GRXCR2: variants seen among roughly 807,000 people sequenced by gnomAD.
GRXCR2 encodes glutaredoxin domain-containing cysteine-rich protein 2.
A neutral mutation model predicts 24.8 loss-of-function variants in GRXCR2; 23 were observed. The observed-to-expected ratio is 0.93, with a 90% confidence interval of 0.67 to 1.32. The LOEUF is 1.32. GRXCR2 is among the 40% of genes most tolerant of loss of function. GRXCR2 has a pLI of 0.00. For synonymous variants in GRXCR2, 130 were observed against 116.1 expected, an observed-to-expected ratio of 1.12 and a Z score of -0.77; for missense variants, 315 against 303.4, an observed-to-expected ratio of 1.04 and a Z score of -0.28.
chr5:145,882,356 C>T (rs1425248837), intron 2 of GRXCR2, among the ~76,000 whole-genome samples: 1 of 152,148 alleles, frequency 6.6e-6, no homozygotes, highest in Non-Finnish European at 1.5e-5. Flanking sequence ...AAAAAGTGGG[C>T]TAAGGATATG....
intron 2 of GRXCR2, among the ~76,000 whole-genome samples, chr5:145,861,699 C>T (rs1756341933): frequency 6.6e-6 from 1 of 152,096 alleles, no homozygotes; most frequent in Admixed American, 6.6e-5. Flanking sequence ...AACAAATGAA[C>T]AATAATATCT....
At chr5:145,882,410 A>G (rs949538770) in intron 2 of GRXCR2, among the ~76,000 whole-genome samples, 14 of 152,338 alleles carry the variant, frequency 9.2e-5, no homozygotes, top group African/African-American at 2.9e-4. Context: ...GCCAACAGAC[A>G]CATGAAAGAA....
rs992271294 is a variant in GRXCR2 at position 145,920,744 on chromosome 5, G to T, written c.-70+14957C>A. 1.3e-5 allele frequency among the ~76,000 whole-genome samples: 2 copies of T among 152,218 alleles called. 1 individual carries two copies. The highest frequency in any genetic ancestry group is 2.9e-5 in the Non-Finnish European group (2 of 68,042). On this transcript the variant is annotated intron_variant, in intron 2 of 3. Transcript: ENST00000639411. ...TACAGGTTAGTCACCATGTGCTATGGTCTGAATGTTTCTGTCTCCTTAAAA... is the reference window on the plus strand; with the variant it reads ...TACAGGTTAGTCACCATGTGCTATGTTCTGAATGTTTCTGTCTCCTTAAAA...
intron 2 of GRXCR2, among the ~76,000 whole-genome samples, chr5:145,924,515 C>T (rs11750929): frequency 0.27 from 40,402 of 152,016 alleles, 6,195 homozygotes; most frequent in East Asian, 0.51. Context: ...CTGTATGTTG[C>T]CAAGTTTTGA....
intron 2 of GRXCR2, among the ~76,000 whole-genome samples, chr5:145,879,297 C>G (rs1318221993): frequency 6.6e-6 from 1 of 150,856 alleles, no homozygotes; most frequent in Non-Finnish European, 1.5e-5. Context: ...TTCAGGAGAC[C>G]CATCTCACGT....
At chr5:145,886,828 C>T (rs541489893) in intron 2 of GRXCR2, among the ~76,000 whole-genome samples, 1 of 152,274 alleles carries the variant, frequency 6.6e-6, no homozygotes, top group Admixed American at 6.5e-5. Context: ...ATCAATGCAA[C>T]ATGTAATCCA....
At chr5:145,898,846 C>T (rs1756987929) in intron 2 of GRXCR2, among the ~76,000 whole-genome samples, 1 of 151,918 alleles carries the variant, frequency 6.6e-6, no homozygotes, top group African/African-American at 2.4e-5. Flanking sequence ...GAAGCATTCC[C>T]CTTGAACTTG....
At chr5:145,861,761 C>A (rs972040982) in intron 2 of GRXCR2, among the ~76,000 whole-genome samples, 1 of 152,158 alleles carries the variant, frequency 6.6e-6, no homozygotes, top group South Asian at 2.1e-4. Flanking sequence ...CAGCAGGAGT[C>A]CGCTGGGTAG....
At chr5:145,866,252 T>C (rs980962505) in intron 2 of GRXCR2, among the ~76,000 whole-genome samples, 4 of 152,046 alleles carry the variant, frequency 2.6e-5, no homozygotes, top group Non-Finnish European at 5.9e-5. Flanking sequence ...AAATATTTAA[T>C]CAGATCTAAA....
At chr5:145,874,176 C>A (rs371744415), upstream of GRXCR2, among the ~76,000 whole-genome samples, 307 of 151,736 alleles carry the variant, frequency 2.0e-3, 1 homozygote, top group African/African-American at 6.9e-3. Flanking sequence ...TACAGCCATT[C>A]GCTTGGATTC....
rs114615413 is a variant in GRXCR2, at chr5:145,866,555, G to A, written c.510C>T (p.His170=). Residue 170 remains histidine (H), a synonymous_variant, in exon 2 of 3, where the codon CAC becomes CAT. Coordinates refer to ENST00000377976, the MANE Select transcript of GRXCR2 (RefSeq NM_001080516.2). ...KEESYGGRDQ[H]DRPLVEAEST... ...TTTCTGCCTCCACCAAAGGTCTATCGTGCTGGTCCCTGCCTCCATAGCTTT... is the reference window on the plus strand; with the variant it reads ...TTTCTGCCTCCACCAAAGGTCTATCATGCTGGTCCCTGCCTCCATAGCTTT... The A allele has an allele frequency of 1.8e-3, 2,930 of 1,614,092 alleles. 37 individuals are homozygous for A. In the African/African-American group the frequency reaches 0.035, roughly 19 times the overall value.
chr5:145,884,455 T>C lies in GRXCR2; in HGVS notation c.-69-17727A>G, dbSNP rs80065707. Among the ~76,000 whole-genome samples the C allele has an allele frequency of 6.1e-3, 925 of 152,308 alleles. 5 individuals are homozygous for C. Among genetic ancestry groups the C allele is most frequent in the Middle Eastern group, 0.01 (3 of 294 alleles). On this transcript the variant is annotated intron_variant, in intron 2 of 3. Coordinates refer to the GRXCR2 transcript ENST00000639411. ...AACTAGAGAATTATTGTTAGTTTTC[T>C]TAGGCAAGATAATGTTATGTAATTA... is the stretch of plus-strand genomic sequence containing the variant.
intron 2 of GRXCR2, among the ~76,000 whole-genome samples, chr5:145,899,846 G>C (rs190914059): frequency 6.6e-6 from 1 of 152,050 alleles, no homozygotes; most frequent in African/African-American, 2.4e-5. Flanking sequence ...CATGGGCCTT[G>C]GGAAAGAATT....
chr5:145,897,973 C>T (rs1756973539), intron 2 of GRXCR2, among the ~76,000 whole-genome samples: 1 of 151,986 alleles, frequency 6.6e-6, no homozygotes, highest in East Asian at 1.9e-4. Flanking sequence ...CAGAGCAGAA[C>T]TGAATGAAAT....
At chr5:145,887,772 C>T (rs1756798025) in intron 2 of GRXCR2, among the ~76,000 whole-genome samples, 1 of 152,034 alleles carries the variant, frequency 6.6e-6, no homozygotes, top group African/African-American at 2.4e-5. Context: ...TCAGTTCTAC[C>T]AAGAGTTGTC....
At chr5:145,913,631 A>G (rs540988717) in intron 2 of GRXCR2, among the ~76,000 whole-genome samples, 1 of 152,240 alleles carries the variant, frequency 6.6e-6, no homozygotes, top group Non-Finnish European at 1.5e-5. Flanking sequence ...ATGAACTTAC[A>G]TTGGTCCAGC....
At chr5:145,888,746 T>C (rs771663733) in intron 2 of GRXCR2, among the ~76,000 whole-genome samples, 7 of 152,236 alleles carry the variant, frequency 4.6e-5, no homozygotes, top group Non-Finnish European at 1.0e-4. Flanking sequence ...TATATACATA[T>C]GTATGCAAGA....
At chr5:145,873,425 C>A (rs559950351), upstream of GRXCR2, among the ~76,000 whole-genome samples, 1 of 152,204 alleles carries the variant, frequency 6.6e-6, no homozygotes, top group Middle Eastern at 3.2e-3. Flanking sequence ...TTCATCCTCA[C>A]GATAACCCTA....
At chr5:145,882,698 T>C (rs1756720392) in intron 2 of GRXCR2, among the ~76,000 whole-genome samples, 1 of 152,194 alleles carries the variant, frequency 6.6e-6, no homozygotes, top group African/African-American at 2.4e-5. Flanking sequence ...TTATAAATCA[T>C]GCTGCTGTAA....
Sources: gnomAD v4.1 joint callset for allele counts (sites outside exome capture counted in the v4.1 genomes callset) on GRCh38, gnomAD v4.1.1 for gene constraint, MANE v1.5 for transcripts, NCBI Gene and HGNC (gene_info 2026-07-23, HGNC 2026-07-21) for gene names.